The following CCDC192 variants were observed in gnomAD, a reference collection of about 807,000 sequenced individuals.
CCDC192 encodes the protein coiled-coil domain containing 192, also known as coiled-coil domain-containing protein 192.
At chr5:127,742,475 T>C (rs1355506254) in intron 2 of CCDC192, among the ~76,000 whole-genome samples, 3 of 152,170 alleles carry the variant, frequency 2.0e-5, no homozygotes, top group Admixed American at 6.5e-5. Flanking sequence ...TAAGTTGATA[T>C]AGAATACAGG....
chr5:127,751,209 T>C (rs1352425981), intron 2 of CCDC192, among the ~76,000 whole-genome samples: 2 of 152,078 alleles, frequency 1.3e-5, no homozygotes, highest in Non-Finnish European at 2.9e-5. Context: ...CTTCCTAGTC[T>C]CGATGGTCTT....
At chr5:127,740,844 A>G (rs1753372633) in intron 2 of CCDC192, among the ~76,000 whole-genome samples, 4 of 152,156 alleles carry the variant, frequency 2.6e-5, no homozygotes. Flanking sequence ...GCGTTTCCTA[A>G]AACACTAAAA....
At chr5:127,761,745 T>A (rs1289071178) in intron 3 of CCDC192, among the ~76,000 whole-genome samples, 1 of 152,166 alleles carries the variant, frequency 6.6e-6, no homozygotes, top group Non-Finnish European at 1.5e-5. Flanking sequence ...TTGCTAATAT[T>A]TACCCTAAAT....
upstream of CCDC192, chr5:127,703,374 C>T (rs1469025840): frequency 2.5e-6 from 1 of 398,680 alleles, no homozygotes; most frequent in Non-Finnish European, 4.4e-6. Flanking sequence ...AGCAGGGATT[C>T]TAAAACTCTA....
intron 6 of CCDC192, among the ~76,000 whole-genome samples, chr5:127,917,154 G>C (rs1377621690): frequency 6.6e-6 from 1 of 152,154 alleles, no homozygotes; most frequent in Non-Finnish European, 1.5e-5. Flanking sequence ...ACCTCTGCTA[G>C]CTTCCAGCTT....
At chr5:127,869,381 C>G (rs1751753045) in intron 5 of CCDC192, among the ~76,000 whole-genome samples, 1 of 152,100 alleles carries the variant, frequency 6.6e-6, no homozygotes, top group African/African-American at 2.4e-5. Context: ...AGAATGATGC[C>G]TGGCATATTG....
intron 2 of CCDC192, among the ~76,000 whole-genome samples, chr5:127,752,282 T>C (rs1176721672): frequency 3.3e-5 from 5 of 152,196 alleles, no homozygotes; most frequent in African/African-American, 1.2e-4. Context: ...GATGTTCAGA[T>C]GGGTTTTTGG....
intron 6 of CCDC192, among the ~76,000 whole-genome samples, chr5:127,931,831 A>G (rs1048884139): frequency 2.0e-5 from 3 of 152,020 alleles, no homozygotes; most frequent in African/African-American, 4.8e-5. Context: ...TAGGGGATCA[A>G]TTTTTCTAAC....
intron 6 of CCDC192, among the ~76,000 whole-genome samples, chr5:127,921,156 GGA>G (rs1753708043): frequency 6.9e-6 from 1 of 145,790 alleles, no homozygotes; most frequent in Non-Finnish European, 1.5e-5. Context: ...GGAAAGGAAA[GGA>G]GAAAAGAAAA....
chr5:127,925,905 G>A (rs1753848981), intron 6 of CCDC192, among the ~76,000 whole-genome samples: 2 of 152,124 alleles, frequency 1.3e-5, no homozygotes, highest in Admixed American at 1.3e-4. Flanking sequence ...TACAAGAAAA[G>A]CTTCAGCCAA....
intron 6 of CCDC192, among the ~76,000 whole-genome samples, chr5:127,883,433 G>C (rs1752431696): frequency 6.6e-6 from 1 of 152,152 alleles, no homozygotes; most frequent in Non-Finnish European, 1.5e-5. Flanking sequence ...AAGGAGTTTT[G>C]ATATTTGCCT....
chr5:127,828,695 G>A (rs1749648401), intron 5 of CCDC192, among the ~76,000 whole-genome samples: 1 of 152,186 alleles, frequency 6.6e-6, no homozygotes, highest in South Asian at 2.1e-4. Flanking sequence ...AGAGTAGGTG[G>A]GGAGGTCTCT....
chr5:127,747,605 C>T (rs943700706), intron 2 of CCDC192, among the ~76,000 whole-genome samples: 1 of 151,894 alleles, frequency 6.6e-6, no homozygotes, highest in African/African-American at 2.4e-5. Context: ...GATTTATAGT[C>T]CTTTGGGTAT....
intron 3 of CCDC192, chr5:127,785,008 T>G: frequency 4.2e-6 from 2 of 475,736 alleles, no homozygotes; most frequent in Non-Finnish European, 8.4e-6. Context: ...TAACTTCAAC[T>G]TTAATAAAAT....
chr5:127,910,975 G>A (rs1210634828), intron 6 of CCDC192, among the ~76,000 whole-genome samples: 1 of 152,108 alleles, frequency 6.6e-6, no homozygotes, highest in Admixed American at 6.5e-5. Context: ...TCCTCTGAAT[G>A]ACTTATATTA....
chr5:127,752,723 C>G (rs1455532525), intron 2 of CCDC192, among the ~76,000 whole-genome samples: 1 of 152,220 alleles, frequency 6.6e-6, no homozygotes, highest in Non-Finnish European at 1.5e-5. Flanking sequence ...TCGCTGCCGC[C>G]TTGCAGTTTG....
At chr5:127,842,276 A>G (rs186794777) in intron 5 of CCDC192, among the ~76,000 whole-genome samples, 47 of 152,344 alleles carry the variant, frequency 3.1e-4, no homozygotes, top group Non-Finnish European at 5.9e-4. Context: ...GTACAGCAGT[A>G]CTATCATAGC....
intron 5 of CCDC192, among the ~76,000 whole-genome samples, chr5:127,819,388 T>C (rs575970687): frequency 1.3e-5 from 2 of 152,296 alleles, no homozygotes; most frequent in Non-Finnish European, 2.9e-5. Context: ...CAGATTGCCA[T>C]ACAAATACAG....
intron 1 of CCDC192, among the ~76,000 whole-genome samples, chr5:127,705,822 G>C (rs2126767954): frequency 6.6e-6 from 1 of 152,296 alleles, no homozygotes; most frequent in South Asian, 2.1e-4. Flanking sequence ...CGTTTTGTGA[G>C]TTTCACTGAT....
Sources: allele counts gnomAD v4.1 joint callset (sites outside exome capture counted in the v4.1 genomes callset), GRCh38; gene constraint gnomAD v4.1.1; transcripts MANE v1.5; gene names NCBI Gene and HGNC (gene_info 2026-07-23, HGNC 2026-07-21).